Variants in ENAH observed in about 807,000 individuals in gnomAD.
ENAH encodes the protein ENAH actin regulator, also known as protein enabled homolog.
ENAH carries 23 observed loss-of-function variants against 78.7 expected under a neutral mutation model. The ratio of observed to expected loss-of-function variants is 0.29; its 90% CI spans 0.21 to 0.41. The LOEUF is 0.41. Among genes scored for constraint, ENAH ranks in the 10% least tolerant of loss-of-function variants. ENAH has a pLI of 1.00. For synonymous variants in ENAH, 226 were observed against 241.0 expected (o/e 0.94, Z 0.58); for missense variants, 544 against 691.0 (o/e 0.79, Z 2.39).
At chr1:225,522,134 TCTGGACTGG>T (rs2096474278) in intron 4 of ENAH, among the ~76,000 whole-genome samples, 1 of 152,198 alleles carries the variant, frequency 6.6e-6, no homozygotes. Context: ...ATTGGGACTT[TCTGGACTGG>T]CTAATAAACT....
At chr1:225,610,007 T>C (rs2096979588) in intron 1 of ENAH, among the ~76,000 whole-genome samples, 1 of 152,116 alleles carries the variant, frequency 6.6e-6, no homozygotes, top group African/African-American at 2.4e-5. Context: ...CTATATAAAT[T>C]ATTAATATGT....
intron 3 of ENAH, among the ~76,000 whole-genome samples, chr1:225,544,654 GA>G: frequency 6.6e-6 from 1 of 152,278 alleles, no homozygotes; most frequent in Admixed American, 6.5e-5. Flanking sequence ...CACAACGTAA[GA>G]CTAAAAGCTG....
chr1:225,570,623 A>AT (rs1404881906), intron 1 of ENAH, among the ~76,000 whole-genome samples: 1 of 151,858 alleles, frequency 6.6e-6, no homozygotes, highest in Non-Finnish European at 1.5e-5. Flanking sequence ...CCTTCTTGTG[A>AT]TTTTTTAATG....
upstream of ENAH, among the ~76,000 whole-genome samples, chr1:225,653,680 G>T (rs1354029582): frequency 6.6e-6 from 1 of 152,162 alleles, no homozygotes; most frequent in Non-Finnish European, 1.5e-5. The surrounding 1 kb of genome is among the most constrained non-coding windows in gnomAD (Gnocchi z 4.3). Context: ...GCGGCCGGGT[G>T]CCCTCGCGCG....
At chr1:225,601,449 C>T (rs1242619049) in intron 1 of ENAH, among the ~76,000 whole-genome samples, 10 of 150,328 alleles carry the variant, frequency 6.7e-5, no homozygotes, top group Non-Finnish European at 1.0e-4. Flanking sequence ...ACCTGGGAGG[C>T]GGGGCTTGCA....
intron 2 of ENAH, among the ~76,000 whole-genome samples, chr1:225,559,286 C>T (rs2096686782): frequency 6.6e-6 from 1 of 152,132 alleles, no homozygotes; most frequent in African/African-American, 2.4e-5. Flanking sequence ...TGTGACCATA[C>T]ACTTTGTATG....
chr1:225,587,666 T>C (rs766622861), intron 1 of ENAH, among the ~76,000 whole-genome samples: 1 of 152,124 alleles, frequency 6.6e-6, no homozygotes, highest in Non-Finnish European at 1.5e-5. Context: ...ATAATATTCA[T>C]ATGGAAATTC....
At chr1:225,608,446 CATT>C (rs2096968973) in intron 1 of ENAH, among the ~76,000 whole-genome samples, 2 of 150,212 alleles carry the variant, frequency 1.3e-5, no homozygotes, top group African/African-American at 4.9e-5. Context: ...TAAGAAATAT[CATT>C]ATAAAATTTC....
chr1:225,611,641 G>C (rs372969380), intron 1 of ENAH, among the ~76,000 whole-genome samples: 82 of 152,140 alleles, frequency 5.4e-4, no homozygotes, highest in African/African-American at 2.0e-3. Context: ...TTTTTAATTA[G>C]CCAGGTGTGG....
intron 5 of ENAH, chr1:225,517,901 T>C (rs2096434387): frequency 3.2e-6 from 5 of 1,551,042 alleles, no homozygotes; most frequent in Non-Finnish European, 4.4e-6. Flanking sequence ...GAGATGACTT[T>C]AGCGTATGAT....
chr1:225,608,688 C>T (rs978247704), intron 1 of ENAH, among the ~76,000 whole-genome samples: 2 of 151,614 alleles, frequency 1.3e-5, no homozygotes, highest in Non-Finnish European at 1.5e-5. Flanking sequence ...TGATGGCAGG[C>T]ACCTGTAATC....
chr1:225,557,025 C>T (rs2096670765), intron 2 of ENAH, among the ~76,000 whole-genome samples: 1 of 152,192 alleles, frequency 6.6e-6, no homozygotes, highest in South Asian at 2.1e-4. Flanking sequence ...TCTACAATGT[C>T]TTAACTGTTG....
intron 1 of ENAH, among the ~76,000 whole-genome samples, chr1:225,589,068 A>T (rs1429163191): frequency 6.6e-6 from 1 of 152,140 alleles, no homozygotes; most frequent in African/African-American, 2.4e-5. Context: ...ACAAGAGTAT[A>T]TATTTTACGG....
At chr1:225,577,389 A>G (rs6671830) in intron 1 of ENAH, among the ~76,000 whole-genome samples, 2,257 of 152,332 alleles carry the variant, frequency 0.015, 53 homozygotes, top group African/African-American at 0.051. Context: ...GAATACAACA[A>G]AAACACTGTG....
At chr1:225,649,995 C>G (rs186908781) in intron 1 of ENAH, among the ~76,000 whole-genome samples, 10 of 152,322 alleles carry the variant, frequency 6.6e-5, no homozygotes, top group Admixed American at 5.9e-4. Flanking sequence ...TAACGTCCCA[C>G]AGGACTTGAA....
intron 4 of ENAH, among the ~76,000 whole-genome samples, chr1:225,520,167 CGCCTATAATCCCA>C (rs2096456009): frequency 6.6e-6 from 1 of 151,918 alleles, no homozygotes; most frequent in Admixed American, 6.6e-5. Context: ...TGGTAGCGTG[CGCCTATAATCCCA>C]GCTACTTGGG....
chr1:225,651,166 T>C (rs1662924060), intron 1 of ENAH, among the ~76,000 whole-genome samples: 1 of 152,142 alleles, frequency 6.6e-6, no homozygotes, highest in Admixed American at 6.6e-5. Flanking sequence ...AATTACTATT[T>C]AAACTCATCG....
chr1:225,603,207 C>T (rs148247725), intron 1 of ENAH, among the ~76,000 whole-genome samples: 167 of 152,176 alleles, frequency 1.1e-3, no homozygotes, highest in Middle Eastern at 6.8e-3. Context: ...AAGACTCAAC[C>T]TTTAAGCAGT....
At chr1:225,564,127 T>G (rs1479274235) in intron 2 of ENAH, among the ~76,000 whole-genome samples, 1 of 152,076 alleles carries the variant, frequency 6.6e-6, no homozygotes, top group African/African-American at 2.4e-5. Flanking sequence ...TTTTTGTTTG[T>G]TTTTTTGAGA....
Sources: allele counts gnomAD v4.1 joint callset (sites outside exome capture counted in the v4.1 genomes callset), GRCh38; gene constraint gnomAD v4.1.1; non-coding constraint Gnocchi (gnomAD v3.1); transcripts MANE v1.5; gene names NCBI Gene and HGNC (gene_info 2026-07-23, HGNC 2026-07-21).